NXPH1: variants seen among roughly 807,000 people sequenced by gnomAD.
NXPH1 encodes the protein neurexophilin-1.
NXPH1 carries 5 observed loss-of-function variants against 23.7 expected under a neutral mutation model. That is an observed-to-expected ratio of 0.21 (90% confidence interval 0.11 to 0.44). NXPH1 has a LOEUF of 0.44. Ranked by LOEUF, NXPH1 falls within the 20% of genes least tolerant of loss-of-function variation. The probability of loss-of-function intolerance (pLI) is 0.99; values close to 1 mark genes in which losing one functional copy is unlikely to be tolerated. For synonymous variants in NXPH1, 144 were observed against 122.2 expected (o/e 1.18, Z -1.18); for missense variants, 324 against 321.6 (o/e 1.01, Z -0.06).
rs142524197 is a variant in NXPH1, at chr7:8,668,476, GGTA to G, written c.55-82530_55-82528del. On this transcript the variant is annotated intron_variant, in intron 2 of 2. Transcript: ENST00000405863. Reference sequence around the variant, plus strand: ...GCTTATTTGATTCTTGGGTTCAGCAGGTAGGCAAGCCTGATGCCTGGGTCCATG... The same window carrying G: ...GCTTATTTGATTCTTGGGTTCAGCAGGGCAAGCCTGATGCCTGGGTCCATG... Among the ~76,000 whole-genome samples, 934 of 152,316 alleles carry G rather than the reference GGTA, an allele frequency of 6.1e-3. 12 individuals carry two copies. The highest frequency in any genetic ancestry group is 0.021 in the African/African-American group (875 of 41,568).
intron 2 of NXPH1, among the ~76,000 whole-genome samples, chr7:8,565,434 A>T (rs1818524295): frequency 6.6e-6 from 1 of 151,788 alleles, no homozygotes; most frequent in South Asian, 2.1e-4. Flanking sequence ...TTTGTTGCTT[A>T]AATCTGATTC....
At chr7:8,578,139 C>T (rs779570849) in intron 2 of NXPH1, among the ~76,000 whole-genome samples, 1 of 152,202 alleles carries the variant, frequency 6.6e-6, no homozygotes, top group Non-Finnish European at 1.5e-5. Flanking sequence ...TAGACTCCAA[C>T]ACTGGTTCCT....
chr7:8,477,796 CATTATT>C (rs1484255660), intron 2 of NXPH1, among the ~76,000 whole-genome samples: 1 of 152,030 alleles, frequency 6.6e-6, no homozygotes, highest in East Asian at 1.9e-4. Context: ...TCTAGTTAGC[CATTATT>C]GCTATTCTAT....
intron 2 of NXPH1, among the ~76,000 whole-genome samples, chr7:8,446,133 AG>A (rs1371503631): frequency 1.3e-5 from 2 of 152,198 alleles, no homozygotes; most frequent in Non-Finnish European, 2.9e-5. Context: ...AAGAATATAA[AG>A]TTAGGTTTGG....
intron 2 of NXPH1, among the ~76,000 whole-genome samples, chr7:8,703,147 C>T (rs574092207): frequency 3.9e-5 from 6 of 152,096 alleles, no homozygotes; most frequent in Admixed American, 3.9e-4. Flanking sequence ...CCCAAATCAG[C>T]CTCATCATAC....
At chr7:8,439,464 T>C (rs1390030851) in intron 2 of NXPH1, among the ~76,000 whole-genome samples, 1 of 152,196 alleles carries the variant, frequency 6.6e-6, no homozygotes, top group South Asian at 2.1e-4. Flanking sequence ...ACTCAGAAAT[T>C]GAATCCAATG....
At position 8,433,736 on chromosome 7, in the gene NXPH1, C is replaced by T. The variant is rs1417474254; in HGVS notation, c.-1130C>T. Among the ~76,000 whole-genome samples, 4 of 151,998 alleles carry T rather than the reference C, an allele frequency of 2.6e-5. No individual in the cohort carries two copies. Among genetic ancestry groups the T allele is most frequent in the East Asian group, 1.9e-4 (1 of 5,160 alleles). ...CCGGCAGGGGCGCCCTGCACCCTCC[C>T]GCGCCCTTCCCCGCCCTACGCGACT... is the stretch of plus-strand genomic sequence containing the variant. On this transcript the variant is annotated 5_prime_UTR_variant, in exon 1 of 3. Transcript: ENST00000405863. This position sits in a 1 kb window ranked among gnomAD's most constrained non-coding sequence, Gnocchi z 6.8.
intron 2 of NXPH1, among the ~76,000 whole-genome samples, chr7:8,487,790 G>A (rs914353707): frequency 2.0e-5 from 3 of 152,146 alleles, no homozygotes; most frequent in Non-Finnish European, 4.4e-5. Flanking sequence ...CGTGGGACAT[G>A]AGACAGCTTC....
intron 2 of NXPH1, among the ~76,000 whole-genome samples, chr7:8,708,625 A>T (rs571106689): frequency 2.6e-5 from 4 of 151,420 alleles, no homozygotes; most frequent in Non-Finnish European, 5.9e-5. Context: ...GCCTCCCAAA[A>T]TGCTGGGATT....
At chr7:8,664,575 T>A (rs1208075737) in intron 2 of NXPH1, among the ~76,000 whole-genome samples, 1 of 152,108 alleles carries the variant, frequency 6.6e-6, no homozygotes, top group Non-Finnish European at 1.5e-5. Context: ...TATAAGGCAC[T>A]TCTATTTTTA....
intron 2 of NXPH1, among the ~76,000 whole-genome samples, chr7:8,662,742 A>G (rs1293156955): frequency 6.6e-6 from 1 of 152,042 alleles, no homozygotes; most frequent in East Asian, 1.9e-4. Flanking sequence ...TGTTCATTAA[A>G]CTACAAGTAA....
intron 2 of NXPH1, among the ~76,000 whole-genome samples, chr7:8,552,625 G>A (rs894246600): frequency 6.6e-6 from 1 of 151,478 alleles, no homozygotes; most frequent in African/African-American, 2.4e-5. Context: ...TCTAAAATGG[G>A]CAATCAGTTC....
chr7:8,686,580 G>A (rs1821148498), intron 2 of NXPH1, among the ~76,000 whole-genome samples: 1 of 152,036 alleles, frequency 6.6e-6, no homozygotes, highest in Non-Finnish European at 1.5e-5. Flanking sequence ...TTAAGTAATT[G>A]TTCATATCAG....
intron 2 of NXPH1, among the ~76,000 whole-genome samples, chr7:8,642,367 G>T (rs918697418): frequency 1.3e-5 from 2 of 152,052 alleles, no homozygotes; most frequent in African/African-American, 4.8e-5. Context: ...TTTGTAGGTG[G>T]CCTCTTTTGT....
chr7:8,505,323 C>T (rs1817505054), intron 2 of NXPH1, among the ~76,000 whole-genome samples: 1 of 152,112 alleles, frequency 6.6e-6, no homozygotes, highest in Admixed American at 6.5e-5. Context: ...CAACAACCTT[C>T]TTGATCTTTG....
intron 2 of NXPH1, among the ~76,000 whole-genome samples, chr7:8,601,911 C>T (rs897488028): frequency 2.6e-5 from 4 of 152,188 alleles, no homozygotes; most frequent in African/African-American, 9.7e-5. Flanking sequence ...AATAAAAGTC[C>T]AGACCGAAGA....
chr7:8,497,308 G>A (rs1248782204), intron 2 of NXPH1, among the ~76,000 whole-genome samples: 1 of 152,100 alleles, frequency 6.6e-6, no homozygotes, highest in East Asian at 1.9e-4. Context: ...TGTGAATAGT[G>A]CAGCAATAAA....
chr7:8,734,226 G>A (rs536048964), intron 2 of NXPH1, among the ~76,000 whole-genome samples: 1 of 152,210 alleles, frequency 6.6e-6, no homozygotes, highest in East Asian at 1.9e-4. Flanking sequence ...ATGTTCCATT[G>A]GTTTATATAA....
intron 2 of NXPH1, among the ~76,000 whole-genome samples, chr7:8,471,055 G>A (rs560200536): frequency 2.3e-4 from 35 of 152,100 alleles, no homozygotes; most frequent in Non-Finnish European, 4.4e-4. Flanking sequence ...GTAGTGGGCA[G>A]ATACAAAGTG....
Sources: allele counts gnomAD v4.1 joint callset (sites outside exome capture counted in the v4.1 genomes callset), GRCh38; gene constraint gnomAD v4.1.1; non-coding constraint Gnocchi (gnomAD v3.1); transcripts MANE v1.5; gene names NCBI Gene and HGNC (gene_info 2026-07-23, HGNC 2026-07-21).